Variants in STS observed in about 807,000 individuals in gnomAD.
STS encodes steryl-sulfatase.
A neutral mutation model predicts 26.8 loss-of-function variants in STS; 7 were observed. The ratio of observed to expected loss-of-function variants is 0.26; its 90% confidence interval spans 0.15 to 0.49. STS has a LOEUF of 0.49. STS is among the 20% of genes least tolerant of loss of function. The pLI, the probability that STS is intolerant of heterozygous loss-of-function variation, is 0.98. For missense variants in STS, 434 were observed against 465.6 expected, an observed-to-expected ratio of 0.93 and a Z score of 0.63; for synonymous variants, 199 against 189.4, an observed-to-expected ratio of 1.05 and a Z score of -0.42.
rs911196289 is a variant in STS at position 7,213,862 on chromosome X, A to G, written c.-5+22854A>G. Among the ~76,000 whole-genome samples the G allele has an allele frequency of 1.5e-4, 16 of 110,317 alleles. 1 individual carries two copies. Among genetic ancestry groups the G allele is most frequent in the Middle Eastern group, 4.7e-3 (1 of 214 alleles). On this transcript the variant is annotated intron_variant, in intron 2 of 10. Coordinates refer to ENST00000674429, the MANE Select transcript of STS (RefSeq NM_001320752.2). ...TTTGGGAGGTCAGGGAAGGAGGATC[A>G]CTTGAGGCTAGTTTGAGACCAGTCT...
At chrX:7,240,334 T>G (rs184930586) in intron 2 of STS, among the ~76,000 whole-genome samples, 1 of 107,938 alleles carries the variant, frequency 9.3e-6, no homozygotes, top group East Asian at 3.0e-4. Flanking sequence ...GAGATTAATA[T>G]AGGCATGAAA....
chrX:7,279,311 A>ATGTGTGTGTGTGTGTGTG (rs532132394), intron 7 of STS, among the ~76,000 whole-genome samples: 2 of 78,134 alleles, frequency 2.6e-5, no homozygotes, highest in African/African-American at 1.1e-4. Flanking sequence ...ATATATATAT[A>ATGTGTGTGTGTGTGTGTG]TGTGTGTGTG....
At chrX:7,195,528 ATG>A (rs1162187441) in intron 2 of STS, among the ~76,000 whole-genome samples, 3 of 112,601 alleles carry the variant, frequency 2.7e-5, no homozygotes, top group African/African-American at 9.7e-5. Context: ...ACTTTGTTCT[ATG>A]TTTTAAAACA....
intron 7 of STS, among the ~76,000 whole-genome samples, chrX:7,293,683 G>A (rs1051640855): frequency 8.9e-6 from 1 of 111,747 alleles, no homozygotes; most frequent in African/African-American, 3.3e-5. Flanking sequence ...AAAACCCAGT[G>A]ATAACAGTGC....
chrX:7,212,258 C>T (rs1921064847), intron 2 of STS, among the ~76,000 whole-genome samples: 1 of 111,173 alleles, frequency 9.0e-6, no homozygotes, highest in Non-Finnish European at 1.9e-5. Context: ...GGCTTGAGCT[C>T]AGAAGTTTGA....
In STS at chrX:7,352,464, G is replaced by A. The variant is rs910805023; in HGVS notation, c.*2203G>A. 13 of 112,279 alleles carry A rather than the reference G, an allele frequency of 1.2e-4. No individual in the cohort carries two copies. Among genetic ancestry groups the A allele is most frequent in the South Asian group, 3.7e-4 (1 of 2,725 alleles). 9.3% of individuals were successfully genotyped at this position (112,279 alleles called of 1,213,427 possible). A position where few individuals can be genotyped will look rare whatever the true frequency, so the allele number is the denominator to read the frequency against. ...TTTCAGGACATTTGGAAATCAGGTC[G>A]ATTTGTGGTAACTGTAGTCATCTTA... On this transcript the variant is annotated 3_prime_UTR_variant, in exon 11 of 11. Coordinates refer to ENST00000674429, the MANE Select transcript of STS (RefSeq NM_001320752.2).
At chrX:7,253,575 A>G (rs1417871070) in intron 3 of STS, among the ~76,000 whole-genome samples, 2 of 112,227 alleles carry the variant, frequency 1.8e-5, no homozygotes, top group African/African-American at 6.5e-5. Context: ...GAAGGTGTGC[A>G]TCACAGTTCT....
intron 2 of STS, among the ~76,000 whole-genome samples, chrX:7,245,206 C>T (rs1367196344): frequency 9.0e-6 from 1 of 111,288 alleles, no homozygotes; most frequent in African/African-American, 3.3e-5. Context: ...CTGAGCTTTT[C>T]GTGGGCATTA....
At chrX:7,312,273 G>C (rs1460805853) in intron 8 of STS, among the ~76,000 whole-genome samples, 1 of 111,121 alleles carries the variant, frequency 9.0e-6, no homozygotes, top group Non-Finnish European at 1.9e-5. Context: ...AGGTCTCCCT[G>C]GACCACCAAA....
intron 3 of STS, among the ~76,000 whole-genome samples, chrX:7,254,524 G>T (rs1173525537): frequency 9.2e-6 from 1 of 108,731 alleles, no homozygotes; most frequent in Non-Finnish European, 1.9e-5. Flanking sequence ...GAGAGGATGA[G>T]GAAAGAGATT....
intron 2 of STS, among the ~76,000 whole-genome samples, chrX:7,238,997 T>A (rs776476402): frequency 9.0e-6 from 1 of 111,606 alleles, no homozygotes; most frequent in Non-Finnish European, 1.9e-5. Context: ...ACATAATTTT[T>A]AATTAGTATT....
chrX:7,259,655 A>G lies in STS; in HGVS notation c.689A>G (p.His230Arg). The G allele has an allele frequency of 1.7e-6, 2 of 1,209,369 alleles. No homozygotes were observed. The highest frequency in any genetic ancestry group is 3.0e-5 in the East Asian group (1 of 33,754). ...LILTLFLGFL[H>R]YFRPLNCFMM... is the part of the protein sequence containing the mutation. ...CTGACCCTTTTCTTGGGCTTCCTTC[A>G]TTACTTCCGGCCCCTGAACTGCTTC... The change falls in exon 6 of 11, where the codon CAT (histidine) becomes CGT (arginine). Residue 230 changes from histidine to arginine, a missense_variant. Physicochemically the swap from His to Arg is conservative, Grantham distance 29. This residue lies in a region of STS where 229 missense variants were observed against 288.3 expected (regional missense o/e 0.79). Transcript: ENST00000674429.
chrX:7,259,695 C>T lies in STS; in HGVS notation c.729C>T (p.Tyr243=), dbSNP rs189186697. The change falls in exon 6 of 11, where the codon TAC becomes TAT. Residue 243 remains tyrosine (Y), a synonymous_variant. Coordinates refer to ENST00000674429, the MANE Select transcript of STS (RefSeq NM_001320752.2). ...RPLNCFMMRN[Y]EIIQQPMSYD... ...TGAACTGCTTCATGATGAGGAACTA[C>T]GAGATCATTCAGCAGCCCATGTCCT... 72 of 1,209,300 alleles carry T rather than the reference C, an allele frequency of 6.0e-5. No individual in the cohort carries two copies. The highest frequency in any genetic ancestry group is 4.6e-4 in the South Asian group (26 of 56,700).
intron 1 of STS, among the ~76,000 whole-genome samples, chrX:7,167,075 T>C (rs966238934): frequency 3.6e-5 from 4 of 111,731 alleles, no homozygotes. Flanking sequence ...GCCAGGAGTC[T>C]AGGCATAGCT....
At chrX:7,230,910 C>T (rs1225639032) in intron 2 of STS, among the ~76,000 whole-genome samples, 5 of 111,522 alleles carry the variant, frequency 4.5e-5, no homozygotes, top group Non-Finnish European at 7.5e-5. Context: ...ATGTTTATGC[C>T]GATATTATCA....
At chrX:7,291,588 A>G (rs140744063) in intron 7 of STS, among the ~76,000 whole-genome samples, 45 of 112,053 alleles carry the variant, frequency 4.0e-4, no homozygotes, top group African/African-American at 1.4e-3. Context: ...TACTTAACAC[A>G]AAATTTCATT....
At position 7,324,131 on chromosome X, in the gene STS, T is replaced by C. The variant is rs192495792; in HGVS notation, c.1082-1208T>C. ...TTAGTCAATATATGTAAGATGTACA[T>C]TGTTCAGTCTGGAAAGGTAGCATGA... On this transcript the variant is annotated intron_variant, in intron 8 of 10. Transcript: ENST00000674429. Among the ~76,000 whole-genome samples, 539 of 109,584 alleles carry C rather than the reference T, an allele frequency of 4.9e-3. 2 individuals are homozygous for C. The highest frequency in any genetic ancestry group is 7.5e-3 in the Non-Finnish European group (393 of 52,573).
chrX:7,207,147 A>G (rs1920956164), intron 2 of STS, among the ~76,000 whole-genome samples: 1 of 111,897 alleles, frequency 8.9e-6, no homozygotes, highest in Non-Finnish European at 1.9e-5. Context: ...CTGAGATTGT[A>G]CCACTGCACT....
At chrX:7,212,334 C>T (rs938038920) in intron 2 of STS, among the ~76,000 whole-genome samples, 2 of 110,436 alleles carry the variant, frequency 1.8e-5, no homozygotes, top group Non-Finnish European at 1.9e-5. Context: ...AGCCGGGCAT[C>T]GTGGCACGCA....
Sources: gnomAD v4.1 joint callset for allele counts (sites outside exome capture counted in the v4.1 genomes callset) on GRCh38, gnomAD v4.1.1 for gene constraint, gnomAD v4.1.1 regional missense constraint, MANE v1.5 for transcripts, NCBI Gene and HGNC (gene_info 2026-07-23, HGNC 2026-07-21) for gene names.